NEB: variants seen among roughly 807,000 people sequenced by gnomAD.
NEB encodes the protein nemaline myopathy type 2.
In NEB, 512 loss-of-function variants were observed where a neutral mutation model predicts 952.2. The observed-to-expected ratio is 0.54, with a 90% CI of 0.50 to 0.58. The LOEUF (loss-of-function observed/expected upper bound fraction) is 0.58, where lower values mean the gene tolerates loss of function less well. Among genes scored for constraint, NEB ranks in the 20% least tolerant of loss-of-function variants. The pLI is 0.00. For synonymous variants in NEB, 2,900 were observed against 3,149.8 expected (o/e 0.92, Z 2.66); for missense variants, 8,428 against 9,231.1 (o/e 0.91, Z 3.56).
chr2:151,545,815 AAG>A (rs2094598192), intron 135 of NEB, 71 bp downstream of exon 135: 1 of 899,702 alleles, frequency 1.1e-6, no homozygotes, highest in Non-Finnish European at 1.7e-6. Context: ...TAGAGGAACT[AAG>A]AGCCTTGTGG....
chr2:151,553,195 AC>A (rs1312616786), intron 127 of NEB, among the ~76,000 whole-genome samples: 43 of 152,216 alleles, frequency 2.8e-4, no homozygotes, highest in African/African-American at 1.0e-3. Context: ...CCACCAGAGG[AC>A]GATGGCACAC....
chr2:151,545,041 G>A (rs892008283), intron 135 of NEB, among the ~76,000 whole-genome samples: 1 of 152,188 alleles, frequency 6.6e-6, no homozygotes, highest in Admixed American at 6.5e-5. Context: ...CAATCATCAA[G>A]GAACCAACAC....
intron 28 of NEB, 48 bp from the exon 29 acceptor site, chr2:151,682,817 T>C (rs772998150): frequency 4.0e-6 from 6 of 1,483,774 alleles, no homozygotes; most frequent in East Asian, 4.6e-5. Context: ...GTCATCCTCA[T>C]TATGTAAAAT....
chr2:151,675,253 C>A, intron 35 of NEB, 34 bp downstream of exon 35: 1 of 1,412,928 alleles, frequency 7.1e-7, no homozygotes, highest in South Asian at 1.2e-5. Flanking sequence ...ATTGTCAGGT[C>A]CGAATTTCAC....
Position 151,640,593 on chromosome 2 carries a change from T to C in NEB, c.8447A>G (p.Lys2816Arg), listed in dbSNP as rs1176964266. Reference protein sequence around the residue: ...IGARAIRDDPKMMWSMHVAKI... With the variant: ...IGARAIRDDPRMMWSMHVAKI... ...GGCCACGTGCATGGACCACATCATC[T>C]TGGGGTCATCACGTATAGCTCGGGC... The change falls in exon 61 of 182, where the codon AAG becomes AGG. Residue 2816 changes from lysine to arginine, a missense_variant. Physicochemically the swap from Lys to Arg is conservative, Grantham distance 26 (BLOSUM62 2). This residue lies in a region of NEB where 1,772 missense variants were observed against 1,960.3 expected (regional missense o/e 0.90). Coordinates refer to ENST00000397345, the MANE Select transcript of NEB (RefSeq NM_001164508.2). 1.9e-6 allele frequency: 3 copies of C among 1,613,842 alleles called. No homozygotes were observed. Among genetic ancestry groups the C allele is most frequent in the Middle Eastern group, 1.6e-4 (1 of 6,084 alleles).
chr2:151,650,412 C>T, intron 53 of NEB, 33 bp from the exon 54 acceptor site: 4 of 1,596,178 alleles, frequency 2.5e-6, no homozygotes, highest in Non-Finnish European at 3.4e-6. Context: ...ATCAAAATCC[C>T]ATTCTCACCT....
At chr2:151,529,351 T>TA in intron 145 of NEB, 37 bp from the exon 146 acceptor site, 1 of 1,295,112 alleles carries the variant, frequency 7.7e-7, no homozygotes, top group East Asian at 2.3e-5. Context: ...TTAATTTTTT[T>TA]ATAGCAGCAT....
At chr2:151,726,092 G>A (rs554223924) in intron 5 of NEB, among the ~76,000 whole-genome samples, 1 of 152,270 alleles carries the variant, frequency 6.6e-6, no homozygotes, top group South Asian at 2.1e-4. Context: ...TAATGATAAT[G>A]TGCATAATTT....
Position 151,725,569 on chromosome 2 carries a change from A to G in NEB, c.295-9T>C. 1 of 1,606,010 alleles carries G rather than the reference A, an allele frequency of 6.2e-7. No individual in the cohort carries two copies. The highest frequency in any genetic ancestry group is 2.2e-5 in the East Asian group (1 of 44,812). On this transcript the variant is annotated splice_polypyrimidine_tract_variant and intron_variant, in intron 5 of 181. Transcript: ENST00000397345. ...TTCTCCTTGTATTTATTCTGAAAAG[A>G]ATATCAGATATTAGCCTAACAAGAC...
chr2:151,562,713 G>A lies in NEB; in HGVS notation c.18789C>T (p.Ile6263=), dbSNP rs2096146994. 1 of 1,606,802 alleles carries A rather than the reference G, an allele frequency of 6.2e-7. No homozygotes were observed. The highest frequency in any genetic ancestry group is 8.5e-7 in the Non-Finnish European group (1 of 1,175,972). Reference sequence around the variant, plus strand: ...AGTGTCGATACTCCAGGTCACTGAGGATGTACTGGCACCTTTTAGCCAGCA... The same window carrying A: ...AGTGTCGATACTCCAGGTCACTGAGAATGTACTGGCACCTTTTAGCCAGCA... The part of the protein sequence containing the change: ...NHVLAKRCQY[I]LSDLEYRHYF... Residue 6263 remains isoleucine, a synonymous_variant, in exon 120 of 182, where the codon ATC becomes ATT. Coordinates refer to ENST00000397345, the MANE Select transcript of NEB (RefSeq NM_001164508.2).
chr2:151,511,728 A>C (rs1007597585), intron 161 of NEB, among the ~76,000 whole-genome samples: 1 of 152,194 alleles, frequency 6.6e-6, no homozygotes, highest in African/African-American at 2.4e-5. Context: ...AGGATGGCCT[A>C]CTTTTCTTCA....
chr2:151,623,048 A>G (rs1289643088), intron 71 of NEB, among the ~76,000 whole-genome samples: 1 of 152,202 alleles, frequency 6.6e-6, no homozygotes, highest in Admixed American at 6.5e-5. Flanking sequence ...AGCTATGTTA[A>G]CTGATTTACT....
intron 53 of NEB, 52 bp from the exon 54 acceptor site, chr2:151,650,431 G>A: frequency 1.9e-6 from 3 of 1,563,196 alleles, no homozygotes; most frequent in South Asian, 2.2e-5. Flanking sequence ...CTGGACCCTT[G>A]ATTCAAGTGA....
intron 138 of NEB, among the ~76,000 whole-genome samples, chr2:151,538,572 C>T (rs546406285): frequency 5.9e-5 from 9 of 151,712 alleles, no homozygotes; most frequent in South Asian, 4.2e-4. Context: ...TGTACAATTT[C>T]GGTAAATCTA....
rs1553561697 is a variant in NEB, at chr2:151,499,391, C to G, written c.24022-1G>C. 2 of 1,507,564 alleles carry G rather than the reference C, an allele frequency of 1.3e-6. No individual in the cohort carries two copies. Among genetic ancestry groups the G allele is most frequent in the African/African-American group, 2.8e-5 (2 of 71,996 alleles). 93.4% of individuals were successfully genotyped at this position (1,507,564 alleles called of 1,614,324 possible). A position where few individuals can be genotyped will look rare whatever the true frequency, so the allele number is the denominator to read the frequency against. ...TTCCAACGTTTTCTTTATACAACAC[C>G]TGTATGACACAAGAAAGCATCCAGA... On this transcript the variant is annotated splice_acceptor_variant, in intron 168 of 181. Coordinates refer to ENST00000397345, the MANE Select transcript of NEB (RefSeq NM_001164508.2). LOFTEE classifies it high-confidence loss of function.
At chr2:151,641,844 AG>A (rs989769889) in intron 60 of NEB, among the ~76,000 whole-genome samples, 3 of 152,208 alleles carry the variant, frequency 2.0e-5, no homozygotes, top group African/African-American at 7.2e-5. Context: ...TTTAAGTTCT[AG>A]GGTACATGTG....
chr2:151,646,728 C>T lies in NEB; in HGVS notation c.7432-494G>A, dbSNP rs144841789. 6.3e-3 allele frequency among the ~76,000 whole-genome samples: 958 copies of T among 151,756 alleles called. 12 individuals carry two copies. The highest frequency in any genetic ancestry group is 0.022 in the African/African-American group (915 of 41,382). On this transcript the variant is annotated intron_variant, in intron 54 of 181. Transcript: ENST00000397345. ...GCAATGGCGCAATCATGGCTCACTG[C>T]AACCTCTGCCTCCTGAGTTCAAGTG...
At chr2:151,675,028 A>G (rs972705756) in intron 35 of NEB, among the ~76,000 whole-genome samples, 2 of 152,214 alleles carry the variant, frequency 1.3e-5, no homozygotes, top group African/African-American at 4.8e-5. Flanking sequence ...AAAACTAGGA[A>G]AACCAAGTAG....
At chr2:151,497,777 CT>C (rs36101756) in intron 170 of NEB, 59 bp from the exon 171 acceptor site, 1 of 1,546,026 alleles carries the variant, frequency 6.5e-7, no homozygotes. Flanking sequence ...TTTCTTGGGA[CT>C]TTTTAAGGAT....
Sources: gnomAD v4.1 joint callset for allele counts (sites outside exome capture counted in the v4.1 genomes callset) on GRCh38, gnomAD v4.1.1 for gene constraint, gnomAD v4.1.1 regional missense constraint, MANE v1.5 for transcripts, NCBI Gene and HGNC (gene_info 2026-07-23, HGNC 2026-07-21) for gene names.